The following GALNT13 variants were observed in gnomAD, a reference collection of about 807,000 sequenced individuals.
GALNT13 encodes the protein UDP-GalNAc:polypeptide N-acetylgalactosaminyltransferase 13.
A neutral mutation model predicts 64.2 loss-of-function variants in GALNT13; 28 were observed. The observed-to-expected ratio is 0.44, with a 90% CI of 0.32 to 0.60. The LOEUF (loss-of-function observed/expected upper bound fraction) is 0.60, where lower values mean the gene tolerates loss of function less well. Among genes scored for constraint, GALNT13 ranks in the 20% least tolerant of loss-of-function variants. GALNT13 has a pLI of 0.05. For missense variants in GALNT13, 577 were observed against 669.8 expected, an observed-to-expected ratio of 0.86 and a Z score of 1.53; for synonymous variants, 214 against 224.6, an observed-to-expected ratio of 0.95 and a Z score of 0.42.
At chr2:154,434,404 C>T (rs1472776918) in intron 11 of GALNT13, among the ~76,000 whole-genome samples, 1 of 152,144 alleles carries the variant, frequency 6.6e-6, no homozygotes, top group Non-Finnish European at 1.5e-5. Flanking sequence ...GAACTACAGG[C>T]GCCCACCACC....
At chr2:153,211,318 A>G in the GALNT13 span, among the ~76,000 whole-genome samples, 1 of 151,892 alleles carries the variant, frequency 6.6e-6, no homozygotes, top group African/African-American at 2.4e-5. Context: ...AATTTTTTGT[A>G]TTTTAGTAGA....
chr2:154,190,772 G>A (rs1420001140), intron 4 of GALNT13, among the ~76,000 whole-genome samples: 1 of 152,098 alleles, frequency 6.6e-6, no homozygotes, highest in African/African-American at 2.4e-5. Flanking sequence ...ATATGTAATT[G>A]TATTTTTTCC....
the GALNT13 span, among the ~76,000 whole-genome samples, chr2:153,745,852 T>C: frequency 6.6e-6 from 1 of 152,224 alleles, no homozygotes; most frequent in South Asian, 2.1e-4. Context: ...CCTCTCAAAG[T>C]GCTGGGATTA....
chr2:153,215,606 G>A, the GALNT13 span, among the ~76,000 whole-genome samples: 13 of 152,106 alleles, frequency 8.5e-5, no homozygotes, highest in South Asian at 2.7e-3. Context: ...AAGGGGATGC[G>A]GGTTCAGAAT....
the GALNT13 span, among the ~76,000 whole-genome samples, chr2:153,178,718 A>G: frequency 1.5e-5 from 2 of 130,348 alleles, no homozygotes; most frequent in Non-Finnish European, 1.7e-5. Context: ...ATGCAATCCC[A>G]TTTTTCTCTT....
chr2:154,317,665 G>A (rs1389051446), intron 9 of GALNT13, among the ~76,000 whole-genome samples: 1 of 152,106 alleles, frequency 6.6e-6, no homozygotes, highest in Non-Finnish European at 1.5e-5. Flanking sequence ...TTGAAAGAAG[G>A]CAGCTATACA....
chr2:153,813,996 G>A, the GALNT13 span, among the ~76,000 whole-genome samples: 2 of 152,140 alleles, frequency 1.3e-5, no homozygotes, highest in Admixed American at 1.3e-4. Flanking sequence ...TATCCTTCAA[G>A]CTCTATGTGG....
chr2:153,659,719 TG>T, the GALNT13 span, among the ~76,000 whole-genome samples: 1 of 152,094 alleles, frequency 6.6e-6, no homozygotes. Flanking sequence ...GCAAAGACAA[TG>T]GAAAGCAGCT....
the GALNT13 span, among the ~76,000 whole-genome samples, chr2:153,320,414 G>C: frequency 6.6e-6 from 1 of 152,146 alleles, no homozygotes; most frequent in African/African-American, 2.4e-5. Flanking sequence ...TTTATTGAGT[G>C]CCTAAGCTCT....
chr2:154,058,089 A>C (rs1199610105), intron 3 of GALNT13, among the ~76,000 whole-genome samples: 1 of 152,132 alleles, frequency 6.6e-6, no homozygotes, highest in Non-Finnish European at 1.5e-5. Context: ...ACCTTTATGA[A>C]GGTAGTTAAT....
At chr2:154,365,577 A>C (rs772418361) in intron 9 of GALNT13, among the ~76,000 whole-genome samples, 1 of 152,190 alleles carries the variant, frequency 6.6e-6, no homozygotes, top group African/African-American at 2.4e-5. Flanking sequence ...GAAACAATAT[A>C]TCTATTTCAT....
chr2:153,676,091 A>T, the GALNT13 span, among the ~76,000 whole-genome samples: 1 of 152,116 alleles, frequency 6.6e-6, no homozygotes, highest in Admixed American at 6.6e-5. Context: ...TTTTTGAAAG[A>T]TCAACTAAGA....
At chr2:153,772,494 G>A in the GALNT13 span, among the ~76,000 whole-genome samples, 1 of 152,152 alleles carries the variant, frequency 6.6e-6, no homozygotes, top group South Asian at 2.1e-4. Context: ...TCACGGGGCT[G>A]CTTGCCCACT....
the GALNT13 span, among the ~76,000 whole-genome samples, chr2:153,691,056 C>T: frequency 2.6e-5 from 4 of 152,206 alleles, no homozygotes; most frequent in South Asian, 2.1e-4. Flanking sequence ...CCAGCTCAAT[C>T]GTGATTGACC....
At chr2:154,298,058 T>G (rs1395929597) in intron 8 of GALNT13, among the ~76,000 whole-genome samples, 2 of 152,160 alleles carry the variant, frequency 1.3e-5, no homozygotes, top group East Asian at 3.9e-4. Context: ...AATTTGAGAT[T>G]GTTGGCATGC....
the GALNT13 span, among the ~76,000 whole-genome samples, chr2:153,151,046 A>T: frequency 6.6e-6 from 1 of 151,940 alleles, no homozygotes; most frequent in Admixed American, 6.6e-5. Flanking sequence ...TGAATCTCTA[A>T]ATTACCTTGG....
At chr2:153,913,286 G>T (rs1333913286) in intron 2 of GALNT13, among the ~76,000 whole-genome samples, 1 of 152,164 alleles carries the variant, frequency 6.6e-6, no homozygotes, top group Non-Finnish European at 1.5e-5. Flanking sequence ...AATGTGACAG[G>T]TGGGGTGGGG....
At chr2:154,132,740 A>T (rs947883775) in intron 3 of GALNT13, among the ~76,000 whole-genome samples, 1 of 152,006 alleles carries the variant, frequency 6.6e-6, no homozygotes, top group Non-Finnish European at 1.5e-5. Context: ...AAAATAAAAA[A>T]AAAAATTAGC....
At chr2:153,606,305 G>A in the GALNT13 span, among the ~76,000 whole-genome samples, 9 of 152,038 alleles carry the variant, frequency 5.9e-5, no homozygotes, top group Admixed American at 5.9e-4. Context: ...TATTGAAGAT[G>A]TCATTTCTGT....
Sources: allele counts gnomAD v4.1 joint callset (sites outside exome capture counted in the v4.1 genomes callset), GRCh38; gene constraint gnomAD v4.1.1; transcripts MANE v1.5; gene names NCBI Gene and HGNC (gene_info 2026-07-23, HGNC 2026-07-21).